LMO7: variants seen among roughly 807,000 people sequenced by gnomAD.
LMO7 encodes the protein LIM domain only protein 7.
Under a neutral mutation model 206.5 loss-of-function variants are expected in LMO7, and 120 were observed. The ratio of observed to expected loss-of-function variants is 0.58; its 90% CI spans 0.50 to 0.68. LMO7 has a LOEUF of 0.68. LMO7 is among the 30% of genes least tolerant of loss of function. The pLI is 0.00. For synonymous variants in LMO7, 706 were observed against 681.5 expected (o/e 1.04, Z -0.56); for missense variants, 1,959 against 1,957.9 (o/e 1.00, Z -0.01).
chr13:75,647,330 G>T (rs964561253), intron 1 of LMO7, among the ~76,000 whole-genome samples: 3 of 152,082 alleles, frequency 2.0e-5, no homozygotes, highest in African/African-American at 7.2e-5. Context: ...AAGAGATGTT[G>T]GTTTTGTTGT....
intron 4 of LMO7, among the ~76,000 whole-genome samples, chr13:75,794,611 T>C (rs1275433387): frequency 6.6e-6 from 1 of 152,232 alleles, no homozygotes; most frequent in Non-Finnish European, 1.5e-5. Flanking sequence ...ATCAGGCTTC[T>C]ACAAGTCTCT....
At chr13:75,633,184 G>C (rs2035223132), upstream of LMO7, among the ~76,000 whole-genome samples, 1 of 152,028 alleles carries the variant, frequency 6.6e-6, no homozygotes, top group African/African-American at 2.4e-5. Flanking sequence ...TTTTTGAATA[G>C]CCGACAAGAG....
At chr13:75,824,433 T>A (rs2057913840) in intron 15 of LMO7, among the ~76,000 whole-genome samples, 1 of 152,198 alleles carries the variant, frequency 6.6e-6, no homozygotes, top group Non-Finnish European at 1.5e-5. Context: ...TATTGAGGCT[T>A]GGTTATAATA....
intron 4 of LMO7, among the ~76,000 whole-genome samples, chr13:75,790,000 A>G (rs778149717): frequency 1.3e-5 from 2 of 152,164 alleles, no homozygotes; most frequent in Non-Finnish European, 2.9e-5. Context: ...GCTTGGGGCC[A>G]ACATGGAAGT....
In LMO7 at chr13:75,842,869, T is replaced by C; in HGVS notation, c.4050T>C (p.Asp1350=). ...YQYRRPVDSY[D]IPKTEEASSG... is the part of the protein sequence containing the mutation. The stretch of plus-strand genomic sequence containing the variant: ...CTTTTAGGCCTGTTGATTCCTATGA[T>C]ATACCAAAGACAGAAGAAGCATCTT... The change falls in exon 25 of 31, where the codon GAT becomes GAC. Residue 1350 remains aspartate, a synonymous_variant. Coordinates refer to ENST00000377534, the MANE Select transcript of LMO7 (RefSeq NM_001306080.2). 1 of 1,607,152 alleles carries C rather than the reference T, an allele frequency of 6.2e-7. No individual in the cohort carries two copies. Among genetic ancestry groups the C allele is most frequent in the South Asian group, 1.1e-5 (1 of 90,930 alleles).
At chr13:75,672,953 A>T (rs537748274) in intron 1 of LMO7, among the ~76,000 whole-genome samples, 2 of 152,158 alleles carry the variant, frequency 1.3e-5, no homozygotes, top group African/African-American at 4.8e-5. Flanking sequence ...TTTGTTTTCT[A>T]TGAAAAACTT....
chr13:75,636,520 C>G lies in LMO7; in HGVS notation c.-138C>G. On this transcript the variant is annotated 5_prime_UTR_variant, in exon 1 of 31. Coordinates refer to ENST00000377534, the MANE Select transcript of LMO7 (RefSeq NM_001306080.2). Reference sequence around the variant, plus strand: ...AGCGCAACAAAGGGAACTAGAGCCCCGGCGCCTTCGCAGCCGGAGCGGAAG... The same window carrying G: ...AGCGCAACAAAGGGAACTAGAGCCCGGGCGCCTTCGCAGCCGGAGCGGAAG... 2 of 1,513,470 alleles carry G rather than the reference C, an allele frequency of 1.3e-6. No individual in the cohort carries two copies. Among genetic ancestry groups the G allele is most frequent in the East Asian group, 2.5e-5 (1 of 40,680 alleles). 93.8% of individuals were successfully genotyped at this position (1,513,470 alleles called of 1,614,324 possible).
rs747677376 is a variant in LMO7 at position 75,835,118 on chromosome 13, A to G, written c.3227-115A>G. 8.7e-6 allele frequency: 12 copies of G among 1,384,852 alleles called. No individual in the cohort carries two copies. In the African/African-American group the frequency reaches 1.0e-4, roughly 12 times the overall value. 85.8% of individuals were successfully genotyped at this position (1,384,852 alleles called of 1,614,324 possible). ...CTTTATTCTTTCCACTTCAACATCT[A>G]TGTGTACTCATTTGATCTTCATGTG... On this transcript the variant is annotated intron_variant, in intron 17 of 30. Transcript: ENST00000377534.
At chr13:75,801,427 C>T (rs1595114102) in intron 7 of LMO7, among the ~76,000 whole-genome samples, 1 of 152,220 alleles carries the variant, frequency 6.6e-6, no homozygotes, top group East Asian at 1.9e-4. Flanking sequence ...AATATACCAC[C>T]ACCTAACATG....
chr13:75,753,728 C>A (rs1345947879), intron 3 of LMO7, among the ~76,000 whole-genome samples: 1 of 152,158 alleles, frequency 6.6e-6, no homozygotes. Flanking sequence ...GTGTTTGCTT[C>A]CCTCTCCACA....
chr13:75,810,154 A>G (rs2056164119), intron 11 of LMO7, among the ~76,000 whole-genome samples: 1 of 152,198 alleles, frequency 6.6e-6, no homozygotes, highest in Non-Finnish European at 1.5e-5. Flanking sequence ...TTCTTAGTAC[A>G]AAATCACAAG....
chr13:75,815,044 G>T (rs1243693139), intron 11 of LMO7, among the ~76,000 whole-genome samples: 1 of 152,142 alleles, frequency 6.6e-6, no homozygotes, highest in African/African-American at 2.4e-5. Flanking sequence ...GAAGAAAGTA[G>T]TGGGTGCTGA....
At chr13:75,715,884 A>G (rs2043493743) in intron 2 of LMO7, among the ~76,000 whole-genome samples, 1 of 152,232 alleles carries the variant, frequency 6.6e-6, no homozygotes, top group South Asian at 2.1e-4. Flanking sequence ...TGGTATTACA[A>G]GCCCTGACTT....
intron 3 of LMO7, among the ~76,000 whole-genome samples, chr13:75,731,564 G>T (rs2045226527): frequency 6.6e-6 from 1 of 152,064 alleles, no homozygotes; most frequent in Non-Finnish European, 1.5e-5. Flanking sequence ...GCACACTGAT[G>T]GGTCTTGACT....
intron 1 of LMO7, among the ~76,000 whole-genome samples, chr13:75,683,335 A>G (rs2040712558): frequency 6.6e-6 from 1 of 152,130 alleles, no homozygotes; most frequent in African/African-American, 2.4e-5. Flanking sequence ...AAAACTTCTA[A>G]AAGTTTTATA....
At chr13:75,734,870 C>T (rs544636993) in intron 3 of LMO7, among the ~76,000 whole-genome samples, 36 of 152,188 alleles carry the variant, frequency 2.4e-4, no homozygotes, top group African/African-American at 6.7e-4. Context: ...GAGGCCAAGG[C>T]GGGCGGATCA....
intron 9 of LMO7, 23 bp downstream of exon 9, chr13:75,805,783 G>A (rs1401282265): frequency 6.2e-7 from 1 of 1,609,288 alleles, no homozygotes; most frequent in Non-Finnish European, 8.5e-7. Context: ...GCATGTTTCT[G>A]TCACACCAGT....
At chr13:75,780,680 T>G (rs57540416) in intron 4 of LMO7, among the ~76,000 whole-genome samples, 1,742 of 152,286 alleles carry the variant, frequency 0.011, 28 homozygotes, top group African/African-American at 0.039. Context: ...AATTATAAGA[T>G]TATTGACTGG....
chr13:75,797,698 A>T (rs1482585409), intron 6 of LMO7, among the ~76,000 whole-genome samples: 1 of 152,162 alleles, frequency 6.6e-6, no homozygotes, highest in Non-Finnish European at 1.5e-5. Flanking sequence ...GCTTGCACCT[A>T]CCCTGATCTT....
Sources: gnomAD v4.1 joint callset for allele counts (sites outside exome capture counted in the v4.1 genomes callset) on GRCh38, gnomAD v4.1.1 for gene constraint, MANE v1.5 for transcripts, NCBI Gene and HGNC (gene_info 2026-07-23, HGNC 2026-07-21) for gene names.